The following COBL variants were observed in gnomAD, a reference collection of about 807,000 sequenced individuals.
COBL encodes protein cordon-bleu.
A neutral mutation model predicts 98.8 loss-of-function variants in COBL; 51 were observed. The observed-to-expected ratio is 0.52, with a 90% CI of 0.41 to 0.65. The LOEUF (loss-of-function observed/expected upper bound fraction) is 0.65, where lower values mean the gene tolerates loss of function less well. Among genes scored for constraint, COBL ranks in the 30% least tolerant of loss-of-function variants. The pLI is 0.00. For missense variants in COBL, 1,617 were observed against 1,617.5 expected, an observed-to-expected ratio of 1.00 and a Z score of 0.01; for synonymous variants, 634 against 651.7, an observed-to-expected ratio of 0.97 and a Z score of 0.41.
chr7:51,179,499 C>A (rs185347716), intron 5 of COBL, among the ~76,000 whole-genome samples: 1 of 152,172 alleles, frequency 6.6e-6, no homozygotes, highest in East Asian at 1.9e-4. Flanking sequence ...AGCCACCGCG[C>A]CCAGCCAAGA....
At chr7:51,274,321 A>G (rs1799083156) in intron 1 of COBL, among the ~76,000 whole-genome samples, 1 of 152,190 alleles carries the variant, frequency 6.6e-6, no homozygotes, top group African/African-American at 2.4e-5. Flanking sequence ...TTTGTCCTCC[A>G]GTGCTGACTG....
chr7:51,296,084 T>C lies in COBL; in HGVS notation c.41+20509A>G, dbSNP rs370578423. ...ACTAACTGCTCCGCTCCTTCTTTTCTGGGTGTTCATGAAGCACTTTGCACA... is the reference window on the plus strand; with the variant it reads ...ACTAACTGCTCCGCTCCTTCTTTTCCGGGTGTTCATGAAGCACTTTGCACA... On this transcript the variant is annotated intron_variant, in intron 1 of 12. Coordinates refer to ENST00000265136, the MANE Select transcript of COBL (RefSeq NM_015198.5). Among the ~76,000 whole-genome samples, 345 of 152,346 alleles carry C rather than the reference T, an allele frequency of 2.3e-3. 4 individuals carry two copies. Among genetic ancestry groups the C allele is most frequent in the African/African-American group, 8.2e-3 (339 of 41,588 alleles).
intron 5 of COBL, chr7:51,156,528 A>T (rs939480578): frequency 5.1e-6 from 5 of 985,048 alleles, no homozygotes; most frequent in Non-Finnish European, 6.0e-6. Context: ...ATAATTACAG[A>T]TCCAGAATAT....
rs541004604 is a variant in COBL at position 51,085,389 on chromosome 7, G to A, written c.958-85C>T. 271 of 1,390,206 alleles carry A rather than the reference G, an allele frequency of 1.9e-4. 4 individuals carry two copies. In the South Asian group the frequency reaches 3.6e-3, roughly 18 times the overall value. The allele number at this position is 1,390,206 out of a possible 1,614,324, so 86.1% of individuals were successfully genotyped here. On this transcript the variant is annotated intron_variant, in intron 6 of 12. Transcript: ENST00000265136. ...AAGGCAGTATTAGGGTGATTGTGCT[G>A]GGGCAGGGACCTGCACCGGAAGGTG...
intron 2 of COBL, among the ~76,000 whole-genome samples, chr7:51,214,860 C>T (rs1046647761): frequency 6.6e-6 from 1 of 152,266 alleles, no homozygotes; most frequent in African/African-American, 2.4e-5. Context: ...TGTTTGAGAT[C>T]GGTGGAGCTG....
intron 7 of COBL, among the ~76,000 whole-genome samples, chr7:51,047,973 C>T (rs972626199): frequency 1.3e-5 from 2 of 152,026 alleles, no homozygotes; most frequent in Non-Finnish European, 2.9e-5. Context: ...TCGAGACCAG[C>T]GTGGCCAACA....
intron 2 of COBL, among the ~76,000 whole-genome samples, chr7:51,210,076 GT>G (rs2129075757): frequency 6.6e-6 from 1 of 152,250 alleles, no homozygotes; most frequent in East Asian, 1.9e-4. Flanking sequence ...AAATAATTGA[GT>G]GCCCAAATCT....
intron 12 of COBL, chr7:51,022,792 A>G (rs1468233023): frequency 1.3e-5 from 2 of 152,228 alleles, no homozygotes; most frequent in Admixed American, 6.5e-5. Context: ...GTGAGTACAG[A>G]GTGTGGTCAT....
chr7:51,302,974 G>C (rs1052433894), intron 1 of COBL, among the ~76,000 whole-genome samples: 1 of 152,080 alleles, frequency 6.6e-6, no homozygotes, highest in Non-Finnish European at 1.5e-5. Context: ...TCTTCCCAAC[G>C]CAATGCTGCA....
intron 7 of COBL, among the ~76,000 whole-genome samples, chr7:51,063,136 CT>C (rs1562861367): frequency 2.8e-5 from 2 of 71,486 alleles, no homozygotes; most frequent in African/African-American, 6.1e-5. Flanking sequence ...CATTTTCTCT[CT>C]CTTTTTTTTT....
chr7:51,316,755 G>T lies in COBL; in HGVS notation c.-122C>A. On this transcript the variant is annotated 5_prime_UTR_variant, in exon 1 of 13. Coordinates refer to ENST00000265136, the MANE Select transcript of COBL (RefSeq NM_015198.5). ...GCTGACCCATCGTCCTCCCACGCGGGCCGGCGGAGGACAGCGGCGGAGCGC... is the reference window on the plus strand; with the variant it reads ...GCTGACCCATCGTCCTCCCACGCGGTCCGGCGGAGGACAGCGGCGGAGCGC... 1.3e-6 allele frequency: 1 copy of T among 773,070 alleles called. No individual in the cohort carries two copies. Among genetic ancestry groups the T allele is most frequent in the Non-Finnish European group, 1.7e-6 (1 of 581,010 alleles). The allele number at this position is 773,070 out of a possible 1,614,324, so 47.9% of individuals were successfully genotyped here. A position where few individuals can be genotyped will look rare whatever the true frequency, so the allele number is the denominator to read the frequency against.
At chr7:51,199,501 G>A (rs1322129818) in intron 2 of COBL, among the ~76,000 whole-genome samples, 1 of 152,140 alleles carries the variant, frequency 6.6e-6, no homozygotes, top group African/African-American at 2.4e-5. Context: ...TAAATTACCT[G>A]AAAAGGAATC....
At chr7:51,258,608 T>C (rs1797409296) in intron 1 of COBL, among the ~76,000 whole-genome samples, 1 of 152,142 alleles carries the variant, frequency 6.6e-6, no homozygotes, top group African/African-American at 2.4e-5. Context: ...ATAATCTTCT[T>C]TGAACATACT....
Position 51,277,772 on chromosome 7 carries a change from G to A in COBL, c.41+38821C>T, listed in dbSNP as rs1311679290. On this transcript the variant is annotated intron_variant, in intron 1 of 12. Transcript: ENST00000265136. ...TGCTACAGGGATCCAGCACGGCAGGGCATTGTGAGAGCAGGGGGCACAGAG... is the reference window on the plus strand; with the variant it reads ...TGCTACAGGGATCCAGCACGGCAGGACATTGTGAGAGCAGGGGGCACAGAG... Among the ~76,000 whole-genome samples the A allele has an allele frequency of 2.0e-5, 3 of 152,132 alleles. No homozygotes were observed. In the South Asian group the frequency reaches 6.2e-4, roughly 31 times the overall value.
chr7:51,083,466 T>C (rs1793881474), intron 7 of COBL, among the ~76,000 whole-genome samples: 1 of 152,154 alleles, frequency 6.6e-6, no homozygotes, highest in Non-Finnish European at 1.5e-5. Context: ...ATTGGAGCAG[T>C]TTGGAAAGAT....
intron 6 of COBL, among the ~76,000 whole-genome samples, chr7:51,119,716 G>A (rs1027114196): frequency 2.0e-5 from 3 of 152,108 alleles, no homozygotes; most frequent in Non-Finnish European, 2.9e-5. Flanking sequence ...TTATTCCCAT[G>A]ACAAAACCAT....
intron 4 of COBL, among the ~76,000 whole-genome samples, chr7:51,186,645 T>C (rs1388580368): frequency 6.6e-6 from 1 of 152,220 alleles, no homozygotes. Context: ...CACTTTCTCA[T>C]GCAGCTACAG....
At chr7:51,245,861 T>C (rs1028420144) in intron 1 of COBL, among the ~76,000 whole-genome samples, 1 of 152,240 alleles carries the variant, frequency 6.6e-6, no homozygotes, top group African/African-American at 2.4e-5. Context: ...TTATTGACAT[T>C]ATCAAATTAT....
At chr7:51,137,089 T>C (rs1274516271) in intron 5 of COBL, among the ~76,000 whole-genome samples, 1 of 152,196 alleles carries the variant, frequency 6.6e-6, no homozygotes, top group Non-Finnish European at 1.5e-5. Flanking sequence ...ACCAGCACTC[T>C]AACTTCAAAC....
Sources: gnomAD v4.1 joint callset for allele counts (sites outside exome capture counted in the v4.1 genomes callset) on GRCh38, gnomAD v4.1.1 for gene constraint, MANE v1.5 for transcripts, NCBI Gene and HGNC (gene_info 2026-07-23, HGNC 2026-07-21) for gene names.